DMD: variants seen among roughly 807,000 people sequenced by gnomAD.
DMD encodes dystrophin.
In DMD, 63 loss-of-function variants were observed where a neutral mutation model predicts 330.1. That is an observed-to-expected ratio of 0.19 (90% CI 0.16 to 0.24). The LOEUF (loss-of-function observed/expected upper bound fraction) is 0.24. Among genes scored for constraint, DMD ranks in the 10% least tolerant of loss-of-function variants. The probability of loss-of-function intolerance (pLI) is 1.00; values close to 1 mark genes in which losing one functional copy is unlikely to be tolerated. For synonymous variants in DMD, 1,223 were observed against 959.8 expected (o/e 1.27, Z -5.07); for missense variants, 3,344 against 2,684.1 (o/e 1.25, Z -5.43).
At chrX:32,171,128 T>C (rs2096886081) in intron 44 of DMD, among the ~76,000 whole-genome samples, 1 of 111,893 alleles carries the variant, frequency 8.9e-6, no homozygotes, top group African/African-American at 3.3e-5. Context: ...AAAACCTTGA[T>C]CTACTTTTTC....
intron 62 of DMD, among the ~76,000 whole-genome samples, chrX:31,300,371 CTTGAAAGACTTGTATT>C (rs1211024465): frequency 1.8e-5 from 2 of 111,848 alleles, no homozygotes; most frequent in Non-Finnish European, 3.8e-5. Flanking sequence ...TAGAGTAATC[CTTGAAAGACTTGTATT>C]CTGGGTCTTC....
chrX:31,507,474 GAAT>G lies in DMD; in HGVS notation c.8218-24_8218-22del, dbSNP rs751721267. ...AGGTCCTACAGGACAGCAGGAAGAA[GAAT>G]ATGTGCAGAATTACCAAACAAAAGA... On this transcript the variant is annotated intron_variant, in intron 55 of 78. Coordinates refer to ENST00000357033, the MANE Select transcript of DMD (RefSeq NM_004006.3). 1.3e-5 allele frequency: 15 copies of G among 1,177,616 alleles called. No individual in the cohort carries two copies. In the East Asian group the frequency reaches 4.5e-4, roughly 36 times the overall value.
At chrX:32,964,116 C>T (rs898780229) in intron 2 of DMD, among the ~76,000 whole-genome samples, 3 of 107,500 alleles carry the variant, frequency 2.8e-5, no homozygotes, top group Non-Finnish European at 3.8e-5. Context: ...ATTAGCTGGG[C>T]GTGGTGGTGC....
At chrX:31,525,021 C>T (rs2073136234) in intron 55 of DMD, among the ~76,000 whole-genome samples, 1 of 111,875 alleles carries the variant, frequency 8.9e-6, no homozygotes, top group African/African-American at 3.3e-5. Context: ...GATTTTTAAG[C>T]TTTGGAACTA....
At chrX:31,291,545 C>A (rs1381061239) in intron 62 of DMD, among the ~76,000 whole-genome samples, 1 of 111,949 alleles carries the variant, frequency 8.9e-6, no homozygotes, top group East Asian at 2.8e-4. Flanking sequence ...CCATAGCAAT[C>A]TTAGAGTATC....
chrX:32,348,495 T>C lies in DMD; in HGVS notation c.5359A>G (p.Asn1787Asp). The C allele has an allele frequency of 8.3e-7, 1 of 1,207,159 alleles. No individual in the cohort carries two copies. Among genetic ancestry groups the C allele is most frequent in the Non-Finnish European group, 1.1e-6 (1 of 892,169 alleles). ...SIPLKELEQF[N>D]SDIQKLLEPL... is the part of the protein sequence containing the mutation. Reference sequence around the variant, plus strand: ...TCAAGCAATTTTTGTATATCTGAGTTAAACTGCTCCAATTCCTTCAAAGGA... The same window carrying C: ...TCAAGCAATTTTTGTATATCTGAGTCAAACTGCTCCAATTCCTTCAAAGGA... The change falls in exon 38 of 79, where the codon AAC becomes GAC. Residue 1787 changes from asparagine to aspartate, a missense_variant. Asn to Asp is a conservative substitution (Grantham distance 23, BLOSUM62 1). Coordinates refer to ENST00000357033, the MANE Select transcript of DMD (RefSeq NM_004006.3).
chrX:33,274,002 G>A (rs904862186), intron 1 of DMD, among the ~76,000 whole-genome samples: 4 of 111,873 alleles, frequency 3.6e-5, no homozygotes, highest in Non-Finnish European at 5.6e-5. Flanking sequence ...GATTGTATAC[G>A]GATTCACATT....
At chrX:33,227,141 T>C (rs1354625450) in intron 1 of DMD, among the ~76,000 whole-genome samples, 1 of 110,982 alleles carries the variant, frequency 9.0e-6, no homozygotes, top group African/African-American at 3.3e-5. Flanking sequence ...TTGTTAATAC[T>C]CAAAACTGTT....
At chrX:32,918,193 C>T (rs915705504) in intron 2 of DMD, among the ~76,000 whole-genome samples, 4 of 110,872 alleles carry the variant, frequency 3.6e-5, no homozygotes, top group Non-Finnish European at 7.5e-5. Flanking sequence ...CGCATACACA[C>T]CAACTTATCT....
intron 27 of DMD, among the ~76,000 whole-genome samples, chrX:32,443,345 T>A (rs911054085): frequency 4.5e-5 from 5 of 110,952 alleles, no homozygotes; most frequent in Non-Finnish European, 9.5e-5. Flanking sequence ...TCATACCTGC[T>A]TGATATCTTA....
intron 1 of DMD, among the ~76,000 whole-genome samples, chrX:33,305,375 C>A (rs371872393): frequency 3.3e-5 from 3 of 91,955 alleles, no homozygotes; most frequent in East Asian, 6.7e-4. Context: ...AATGAGAACA[C>A]ATGGACGCAG....
At chrX:32,738,917 G>C (rs1203350766) in intron 7 of DMD, among the ~76,000 whole-genome samples, 1 of 111,739 alleles carries the variant, frequency 8.9e-6, no homozygotes, top group African/African-American at 3.2e-5. Flanking sequence ...ATACAGTTTT[G>C]ATAGAATAAA....
At chrX:32,939,158 T>A (rs774324226) in intron 2 of DMD, among the ~76,000 whole-genome samples, 124 of 108,594 alleles carry the variant, frequency 1.1e-3, no homozygotes, top group African/African-American at 3.9e-3. Context: ...TTCTTTTTGT[T>A]CTAATAGTGT....
intron 53 of DMD, among the ~76,000 whole-genome samples, chrX:31,664,787 T>G (rs1269240413): frequency 1.9e-5 from 2 of 107,457 alleles, no homozygotes; most frequent in Non-Finnish European, 3.8e-5. Context: ...GCTCCCTCCC[T>G]CCACTCTCAA....
At chrX:31,555,176 C>T (rs899982741) in intron 55 of DMD, among the ~76,000 whole-genome samples, 24 of 111,649 alleles carry the variant, frequency 2.1e-4, no homozygotes, top group African/African-American at 7.8e-4. Flanking sequence ...AGGGCAGTGG[C>T]GCTAATTGTA....
rs1569553635 is a variant in DMD at position 32,252,735 on chromosome X, TATATATATAA to T, written c.6290+34784_6290+34793del. 4.3e-3 allele frequency among the ~76,000 whole-genome samples: 117 copies of T among 27,086 alleles called. 3 individuals carry two copies. The highest frequency in any genetic ancestry group is 0.022 in the African/African-American group (109 of 4,947). 23.5% of individuals were successfully genotyped at this position (27,086 alleles called of 115,157 possible). ...ATATAAATATATATAAATATATAAA[TATATATATAA>T]ATATATATAAATATATAAATATATA... On this transcript the variant is annotated intron_variant, in intron 43 of 78. Transcript: ENST00000357033.
intron 51 of DMD, among the ~76,000 whole-genome samples, chrX:31,746,602 T>C (rs1343963138): frequency 8.9e-6 from 1 of 111,852 alleles, no homozygotes; most frequent in Non-Finnish European, 1.9e-5. Flanking sequence ...AGACATATGT[T>C]ATATAGAATA....
chrX:32,237,994 T>C, intron 43 of DMD, among the ~76,000 whole-genome samples: 1 of 112,137 alleles, frequency 8.9e-6, no homozygotes, highest in East Asian at 2.8e-4. Flanking sequence ...ACATTCTTTG[T>C]CTTTCTTGGT....
At chrX:32,169,934 C>G (rs1430414249) in intron 44 of DMD, among the ~76,000 whole-genome samples, 1 of 111,467 alleles carries the variant, frequency 9.0e-6, no homozygotes, top group Non-Finnish European at 1.9e-5. Context: ...AACTCACTGT[C>G]TTCTCAATTT....
Sources: allele counts gnomAD v4.1 joint callset (sites outside exome capture counted in the v4.1 genomes callset), GRCh38; gene constraint gnomAD v4.1.1; transcripts MANE v1.5; gene names NCBI Gene and HGNC (gene_info 2026-07-23, HGNC 2026-07-21).